The following RIT2 variants were observed in gnomAD, a reference collection of about 807,000 sequenced individuals.
RIT2 encodes the protein GTP-binding protein Rit2.
RIT2 carries 24 observed loss-of-function variants against 23.7 expected under a neutral mutation model. The ratio of observed to expected loss-of-function variants is 1.01; its 90% confidence interval spans 0.73 to 1.43. RIT2 has a LOEUF of 1.43. Among genes scored for constraint, RIT2 ranks in the 40% most tolerant of loss-of-function variants. The probability of loss-of-function intolerance (pLI) is 0.00; values close to 1 mark genes in which losing one functional copy is unlikely to be tolerated. For synonymous variants in RIT2, 107 were observed against 91.1 expected (o/e 1.17, Z -0.99); for missense variants, 236 against 266.9 (o/e 0.88, Z 0.81).
At chr18:42,985,889 A>G (rs186373036) in intron 2 of RIT2, among the ~76,000 whole-genome samples, 2 of 152,220 alleles carry the variant, frequency 1.3e-5, no homozygotes, top group Admixed American at 1.3e-4. Context: ...GACCAGTTGG[A>G]ATACATTTAT....
intron 3 of RIT2, among the ~76,000 whole-genome samples, chr18:42,963,381 A>G (rs924219783): frequency 1.3e-4 from 20 of 152,226 alleles, no homozygotes; most frequent in Non-Finnish European, 2.1e-4. Context: ...CTGGAAATCC[A>G]TGAGGGGTCA....
At chr18:42,968,269 T>C (rs569858524) in intron 3 of RIT2, among the ~76,000 whole-genome samples, 2 of 152,310 alleles carry the variant, frequency 1.3e-5, no homozygotes, top group African/African-American at 4.8e-5. Flanking sequence ...TGGATGACTA[T>C]ATAAATTAAT....
chr18:43,073,564 C>T (rs1447194720), intron 1 of RIT2, among the ~76,000 whole-genome samples: 1 of 152,154 alleles, frequency 6.6e-6, no homozygotes, highest in Non-Finnish European at 1.5e-5. Context: ...CCAAAGATAA[C>T]CCTGCCTGAT....
At chr18:42,894,000 A>G (rs1394726549) in intron 4 of RIT2, among the ~76,000 whole-genome samples, 4 of 152,226 alleles carry the variant, frequency 2.6e-5, no homozygotes, top group African/African-American at 7.2e-5. Context: ...TAATTTACCA[A>G]TTGAGAGATT....
intron 4 of RIT2, among the ~76,000 whole-genome samples, chr18:42,802,522 G>A (rs1182825989): frequency 2.0e-5 from 3 of 152,144 alleles, no homozygotes; most frequent in African/African-American, 7.2e-5. Context: ...GAGCAACATT[G>A]TCTAGTATCA....
intron 4 of RIT2, among the ~76,000 whole-genome samples, chr18:42,846,965 C>G (rs1011225488): frequency 2.6e-5 from 4 of 152,092 alleles, no homozygotes; most frequent in Admixed American, 2.6e-4. Context: ...GGTTTTCACT[C>G]TGGTATAACC....
intron 1 of RIT2, among the ~76,000 whole-genome samples, chr18:43,042,270 C>T (rs769873006): frequency 2.6e-5 from 4 of 152,092 alleles, no homozygotes; most frequent in South Asian, 2.1e-4. Flanking sequence ...AACTTAAAAC[C>T]GCCTCCAAAT....
intron 1 of RIT2, among the ~76,000 whole-genome samples, chr18:43,070,644 T>C (rs984468571): frequency 3.9e-5 from 6 of 152,202 alleles, no homozygotes; most frequent in Non-Finnish European, 2.9e-5. Flanking sequence ...TTGTTATTTA[T>C]ATGAAAACAT....
intron 3 of RIT2, among the ~76,000 whole-genome samples, chr18:42,966,206 T>G (rs976747376): frequency 7.2e-5 from 11 of 152,210 alleles, no homozygotes; most frequent in Admixed American, 2.6e-4. Flanking sequence ...TAGTGAAATT[T>G]CTGTTGGCAC....
intron 4 of RIT2, among the ~76,000 whole-genome samples, chr18:42,856,852 C>T (rs1356655077): frequency 4.5e-5 from 4 of 89,330 alleles, no homozygotes; most frequent in South Asian, 7.2e-4. Flanking sequence ...TTTTTTGAGA[C>T]GGAGTTTTGC....
intron 2 of RIT2, among the ~76,000 whole-genome samples, chr18:43,009,806 G>C (rs1911310283): frequency 1.3e-5 from 2 of 151,678 alleles, no homozygotes; most frequent in Non-Finnish European, 2.9e-5. Flanking sequence ...AATCTCACAT[G>C]CTGGTATCTC....
chr18:43,094,072 T>A (rs1913488379), intron 1 of RIT2, among the ~76,000 whole-genome samples: 1 of 150,686 alleles, frequency 6.6e-6, no homozygotes, highest in Admixed American at 6.7e-5. Flanking sequence ...TCAAAATTTA[T>A]GCAAAAATCC....
chr18:42,837,153 CTTTTTTTTTTTTTTTTTTT>C (rs570701535), intron 4 of RIT2, among the ~76,000 whole-genome samples: 4 of 51,704 alleles, frequency 7.7e-5, no homozygotes, highest in African/African-American at 1.3e-4. Flanking sequence ...TTTTCTTTTT[CTTTTTTTTTTTTTTTTTTT>C]TTTTTTTTTT....
At chr18:42,761,769 C>G (rs1913309368) in intron 4 of RIT2, among the ~76,000 whole-genome samples, 1 of 152,090 alleles carries the variant, frequency 6.6e-6, no homozygotes, top group Non-Finnish European at 1.5e-5. Context: ...CCTTTGCCTC[C>G]CAGGTTCAAG....
chr18:42,941,844 T>C (rs1482323384), intron 3 of RIT2, among the ~76,000 whole-genome samples: 2 of 152,130 alleles, frequency 1.3e-5, no homozygotes, highest in African/African-American at 4.8e-5. Flanking sequence ...AACAACCCTA[T>C]AATGAAGAGA....
chr18:42,810,075 A>G (rs1323556315), intron 4 of RIT2, among the ~76,000 whole-genome samples: 2 of 147,594 alleles, frequency 1.4e-5, no homozygotes, highest in Non-Finnish European at 3.0e-5. Context: ...TATGTTATAC[A>G]TAACATATAT....
At chr18:43,050,176 A>C (rs1912345795) in intron 1 of RIT2, among the ~76,000 whole-genome samples, 1 of 151,188 alleles carries the variant, frequency 6.6e-6, no homozygotes, top group African/African-American at 2.4e-5. Context: ...GCAAGTGTGC[A>C]CCACCAGGAC....
chr18:42,952,413 C>A (rs1037107822), intron 3 of RIT2, among the ~76,000 whole-genome samples: 1 of 152,022 alleles, frequency 6.6e-6, no homozygotes, highest in African/African-American at 2.4e-5. Context: ...TCAAAAGGTA[C>A]AAAGCTTCAA....
At chr18:43,106,562 C>T (rs1913827588) in intron 1 of RIT2, among the ~76,000 whole-genome samples, 1 of 152,188 alleles carries the variant, frequency 6.6e-6, no homozygotes, top group East Asian at 1.9e-4. Flanking sequence ...TTTCCTGGGA[C>T]TGCAAATATA....
Sources: allele counts gnomAD v4.1 joint callset (sites outside exome capture counted in the v4.1 genomes callset), GRCh38; gene constraint gnomAD v4.1.1; transcripts MANE v1.5; gene names NCBI Gene and HGNC (gene_info 2026-07-23, HGNC 2026-07-21).